FGF10: variants seen among roughly 807,000 people sequenced by gnomAD.
FGF10 encodes the protein FGF-10.
FGF10 carries 2 observed loss-of-function variants against 19.8 expected under a neutral mutation model. That is an observed-to-expected ratio of 0.10 (90% CI 0.04 to 0.32). The LOEUF is 0.32. Ranked by LOEUF, FGF10 falls within the 10% of genes least tolerant of loss-of-function variation. The probability of loss-of-function intolerance (pLI) is 1.00; values close to 1 mark genes in which losing one functional copy is unlikely to be tolerated. For missense variants in FGF10, 191 were observed against 246.3 expected (o/e 0.78, Z 1.50); for synonymous variants, 112 against 94.0 (o/e 1.19, Z -1.10).
rs576181814 is a variant in FGF10 at position 44,388,612 on chromosome 5, AAGC to A, written c.68_70del (p.Cys23del). 3.6e-4 allele frequency: 586 copies of A among 1,613,702 alleles called. 1 individual carries two copies. The highest frequency in any genetic ancestry group is 4.7e-4 in the Non-Finnish European group (559 of 1,179,690). ...GGAAGACACCAAGAACAGCAACAAA[AAGC>A]AGCAGCAGCAGCAGCCGGGCAGGTG... is the stretch of plus-strand genomic sequence containing the variant. On this transcript the variant is annotated inframe_deletion, in exon 1 of 3. Coordinates refer to ENST00000264664, the MANE Select transcript of FGF10 (RefSeq NM_004465.2).
chr5:44,370,527 C>A (rs2111883261), intron 1 of FGF10, among the ~76,000 whole-genome samples: 1 of 152,168 alleles, frequency 6.6e-6, no homozygotes, highest in South Asian at 2.1e-4. Context: ...AATATCACAA[C>A]CATCATCTCT....
chr5:44,300,341 C>T lies in FGF10; in HGVS notation c.*4654G>A, dbSNP rs940398216. The stretch of plus-strand genomic sequence containing the variant: ...ATGTCGATACACTTGAAAATACTAG[C>T]ACATACTCTTGGGATAAACTGAAAG... On this transcript the variant is annotated 3_prime_UTR_variant, in exon 3 of 3. Transcript: ENST00000264664. Among the ~76,000 whole-genome samples the T allele has an allele frequency of 1.3e-5, 2 of 151,934 alleles. No homozygotes were observed. Among genetic ancestry groups the T allele is most frequent in the Non-Finnish European group, 2.9e-5 (2 of 67,996 alleles).
At chr5:44,367,403 C>T (rs530417470) in intron 1 of FGF10, among the ~76,000 whole-genome samples, 17 of 152,006 alleles carry the variant, frequency 1.1e-4, no homozygotes, top group Non-Finnish European at 2.2e-4. Context: ...GTTTAATTTG[C>T]TGATGTAGCA....
intron 1 of FGF10, among the ~76,000 whole-genome samples, chr5:44,328,422 A>G (rs956466636): frequency 1.3e-5 from 2 of 152,178 alleles, no homozygotes; most frequent in Non-Finnish European, 2.9e-5. Flanking sequence ...ATGAGATCTT[A>G]ACCCATACTG....
chr5:44,314,056 G>A (rs532970897), intron 1 of FGF10, among the ~76,000 whole-genome samples: 7 of 152,170 alleles, frequency 4.6e-5, no homozygotes, highest in African/African-American at 1.2e-4. Context: ...GGGGTTCCAC[G>A]ATCAAATTAT....
intron 2 of FGF10, among the ~76,000 whole-genome samples, chr5:44,306,346 G>A (rs767032486): frequency 1.3e-5 from 2 of 152,288 alleles, no homozygotes; most frequent in Non-Finnish European, 2.9e-5. Context: ...GCAGTGAGCC[G>A]AGATCATTCC....
intron 1 of FGF10, among the ~76,000 whole-genome samples, chr5:44,311,217 A>C (rs185654051): frequency 2.0e-5 from 3 of 152,036 alleles, no homozygotes; most frequent in Admixed American, 2.0e-4. Context: ...CGAGGGAAGT[A>C]GTAAGAGGTA....
chr5:44,343,358 G>A (rs1259533859), intron 1 of FGF10, among the ~76,000 whole-genome samples: 1 of 151,868 alleles, frequency 6.6e-6, no homozygotes, highest in African/African-American at 2.4e-5. Flanking sequence ...TAGGAAATAC[G>A]ACTGAAGATC....
chr5:44,383,380 G>A (rs867224202), intron 1 of FGF10, among the ~76,000 whole-genome samples: 3 of 152,034 alleles, frequency 2.0e-5, no homozygotes, highest in African/African-American at 4.8e-5. Flanking sequence ...TATAAGACAC[G>A]CTTCTTCTAC....
At chr5:44,309,536 C>A (rs1186245225) in intron 2 of FGF10, among the ~76,000 whole-genome samples, 1 of 152,102 alleles carries the variant, frequency 6.6e-6, no homozygotes, top group East Asian at 1.9e-4. Context: ...AGGCCCATTT[C>A]TATACTTCTT....
At chr5:44,365,256 T>C (rs749370174) in intron 1 of FGF10, among the ~76,000 whole-genome samples, 1 of 150,816 alleles carries the variant, frequency 6.6e-6, no homozygotes. Context: ...TTCCAGACTT[T>C]GCCACATTCA....
chr5:44,306,438 CTTCTT>C (rs1740078150), intron 2 of FGF10, among the ~76,000 whole-genome samples: 1 of 152,140 alleles, frequency 6.6e-6, no homozygotes, highest in African/African-American at 2.4e-5. Context: ...AGAGAAGTAG[CTTCTT>C]TTCTTATACT....
At position 44,301,500 on chromosome 5, in the gene FGF10, C is replaced by G. The variant is rs1450368385; in HGVS notation, c.*3495G>C. On this transcript the variant is annotated 3_prime_UTR_variant, in exon 3 of 3. Transcript: ENST00000264664. ...TAATTTTCAAATCAAATTCATTGGT[C>G]ATTCATCCCCTTGAAATCAGATTCT... 6.6e-6 allele frequency among the ~76,000 whole-genome samples: 1 copy of G among 152,132 alleles called. No homozygotes were observed. Among genetic ancestry groups the G allele is most frequent in the Admixed American group, 6.6e-5 (1 of 15,246 alleles).
At position 44,301,620 on chromosome 5, in the gene FGF10, G is replaced by C. The variant is rs1351954275; in HGVS notation, c.*3375C>G. Among the ~76,000 whole-genome samples the C allele has an allele frequency of 6.6e-6, 1 of 152,146 alleles. No homozygotes were observed. Among genetic ancestry groups the C allele is most frequent in the Non-Finnish European group, 1.5e-5 (1 of 68,014 alleles). On this transcript the variant is annotated 3_prime_UTR_variant, in exon 3 of 3. Coordinates refer to ENST00000264664, the MANE Select transcript of FGF10 (RefSeq NM_004465.2). ...TCTTTATCCACTGTGTAAATTAGGT[G>C]GACCTGAATATTTAGAAAAGATTGA...
intron 1 of FGF10, among the ~76,000 whole-genome samples, chr5:44,315,268 C>T (rs1165818226): frequency 6.6e-6 from 1 of 151,538 alleles, no homozygotes; most frequent in Non-Finnish European, 1.5e-5. Context: ...ATAGTGAAGC[C>T]ATCCTGAAGA....
At chr5:44,368,966 C>A (rs867514807) in intron 1 of FGF10, among the ~76,000 whole-genome samples, 9 of 152,218 alleles carry the variant, frequency 5.9e-5, no homozygotes, top group Middle Eastern at 3.4e-3. Flanking sequence ...CTGCTTCCAG[C>A]CCATGTGGTC....
At chr5:44,307,463 T>A (rs950199810) in intron 2 of FGF10, among the ~76,000 whole-genome samples, 2 of 151,854 alleles carry the variant, frequency 1.3e-5, no homozygotes, top group Admixed American at 1.3e-4. Context: ...ATTTACTGAA[T>A]CCCATCAGTC....
intron 1 of FGF10, among the ~76,000 whole-genome samples, chr5:44,382,074 T>C (rs1045414648): frequency 1.1e-4 from 17 of 152,182 alleles, no homozygotes; most frequent in African/African-American, 3.9e-4. Context: ...CAGGTTTAGG[T>C]TGAAGAATTA....
At chr5:44,339,663 C>T (rs1430230543) in intron 1 of FGF10, among the ~76,000 whole-genome samples, 1 of 152,088 alleles carries the variant, frequency 6.6e-6, no homozygotes, top group African/African-American at 2.4e-5. Flanking sequence ...ATGATGTCTT[C>T]TTATCTTCAA....
Sources: allele counts gnomAD v4.1 joint callset (sites outside exome capture counted in the v4.1 genomes callset), GRCh38; gene constraint gnomAD v4.1.1; transcripts MANE v1.5; gene names NCBI Gene and HGNC (gene_info 2026-07-23, HGNC 2026-07-21).